The following MME variants were observed in gnomAD, a reference collection of about 807,000 sequenced individuals.
MME encodes membrane metalloendopeptidase.
MME carries 98 observed loss-of-function variants against 113.2 expected under a neutral mutation model. That is an observed-to-expected ratio of 0.87 (90% CI 0.74 to 1.02). The LOEUF is 1.02. Among genes scored for constraint, MME ranks in the 50% least tolerant of loss-of-function variants. The pLI is 0.00. For synonymous variants in MME, 292 were observed against 300.6 expected (o/e 0.97, Z 0.30); for missense variants, 836 against 896.0 (o/e 0.93, Z 0.86).
At chr3:155,151,719 TTC>T (rs1001624240) in intron 16 of MME, among the ~76,000 whole-genome samples, 2 of 152,152 alleles carry the variant, frequency 1.3e-5, no homozygotes, top group South Asian at 2.1e-4. Context: ...ACTTATCCCT[TTC>T]TGTTATTCCT....
At chr3:155,072,167 C>CAAAAAAAAAAAAA (rs71155031) in intron 1 of MME, among the ~76,000 whole-genome samples, 1 of 65,074 alleles carries the variant, frequency 1.5e-5, no homozygotes, top group African/African-American at 7.1e-5. Flanking sequence ...GACTCCGTCT[C>CAAAAAAAAAAAAA]AAAAAAAAAA....
intron 1 of MME, among the ~76,000 whole-genome samples, chr3:155,071,469 T>C (rs1451089067): frequency 3.3e-5 from 5 of 152,214 alleles, no homozygotes; most frequent in African/African-American, 4.8e-5. Context: ...ATTTGGTAAT[T>C]ATAGGGTATT....
chr3:155,025,189 C>T (rs1712740366), intron 1 of MME, among the ~76,000 whole-genome samples: 1 of 152,132 alleles, frequency 6.6e-6, no homozygotes, highest in Non-Finnish European at 1.5e-5. Context: ...AGGGTGCAGC[C>T]CAGCCTTTGC....
intron 1 of MME, among the ~76,000 whole-genome samples, chr3:155,047,077 G>A: frequency 6.6e-6 from 1 of 152,070 alleles, no homozygotes; most frequent in Non-Finnish European, 1.5e-5. Context: ...TAATGTCCTA[G>A]GCCTTCACAT....
intron 1 of MME, among the ~76,000 whole-genome samples, chr3:155,047,209 C>G (rs1456362260): frequency 6.6e-6 from 1 of 152,142 alleles, no homozygotes; most frequent in Non-Finnish European, 1.5e-5. Context: ...TTCACTAGAC[C>G]TTTCCTATGG....
At chr3:155,133,741 G>GGTGTATATATATATGTGTATATATATGGT (rs1188302989) in intron 8 of MME, among the ~76,000 whole-genome samples, 2 of 134,838 alleles carry the variant, frequency 1.5e-5, no homozygotes, top group African/African-American at 2.8e-5. Context: ...ACATATATAT[G>GGTGTATATATATATGTGTATATATATGGT]GTGTATATAT....
chr3:155,060,484 T>G (rs1262474365), intron 1 of MME, among the ~76,000 whole-genome samples: 1 of 152,162 alleles, frequency 6.6e-6, no homozygotes, highest in Non-Finnish European at 1.5e-5. Context: ...TTCACGATCC[T>G]AGAGTCCTCA....
At chr3:155,072,018 G>A (rs372101736) in intron 1 of MME, among the ~76,000 whole-genome samples, 5 of 151,766 alleles carry the variant, frequency 3.3e-5, no homozygotes, top group East Asian at 1.9e-4. Flanking sequence ...GAAATTAGCC[G>A]GGCGCGGTGG....
chr3:155,071,290 C>G (rs1714544128), intron 1 of MME, among the ~76,000 whole-genome samples: 2 of 152,286 alleles, frequency 1.3e-5, no homozygotes, highest in East Asian at 3.9e-4. Context: ...TCCTCATACG[C>G]GTAGCACGTG....
intron 1 of MME, among the ~76,000 whole-genome samples, chr3:155,027,714 G>T (rs937885226): frequency 5.3e-5 from 8 of 152,132 alleles, no homozygotes. Context: ...TAGCATTAAA[G>T]GTATAACTGG....
At chr3:155,171,534 A>G (rs569160880) in intron 20 of MME, among the ~76,000 whole-genome samples, 29 of 152,286 alleles carry the variant, frequency 1.9e-4, no homozygotes, top group African/African-American at 5.8e-4. Flanking sequence ...CATTCAAATT[A>G]CCTAAATATT....
At chr3:155,109,271 G>C (rs552185622) in intron 3 of MME, among the ~76,000 whole-genome samples, 1 of 152,218 alleles carries the variant, frequency 6.6e-6, no homozygotes, top group African/African-American at 2.4e-5. Context: ...CTCAAGACTT[G>C]AGACAATGAA....
chr3:155,107,422 A>G (rs1202503885), intron 3 of MME, among the ~76,000 whole-genome samples: 1 of 151,948 alleles, frequency 6.6e-6, no homozygotes, highest in Non-Finnish European at 1.5e-5. Context: ...TATATGTGGT[A>G]TGTATGTTGT....
chr3:155,089,423 C>T (rs1424714717), intron 3 of MME, among the ~76,000 whole-genome samples: 1 of 152,162 alleles, frequency 6.6e-6, no homozygotes, highest in Non-Finnish European at 1.5e-5. Context: ...GATAATTCTT[C>T]GTTGTGGATG....
At chr3:155,152,119 C>T (rs1027484612) in intron 16 of MME, among the ~76,000 whole-genome samples, 1 of 152,158 alleles carries the variant, frequency 6.6e-6, no homozygotes, top group African/African-American at 2.4e-5. Flanking sequence ...CCTTCACATT[C>T]ACCCTACACC....
At position 155,118,735 on chromosome 3, in the gene MME, AT is replaced by A; in HGVS notation, c.655-5del. On this transcript the variant is annotated splice_polypyrimidine_tract_variant and intron_variant, in intron 7 of 22. Transcript: ENST00000360490. The stretch of plus-strand genomic sequence containing the variant: ...GAATGATTTATTTTCTTTTATGTAT[AT>A]TTTTTATAGATTGACCAACCTCGAC... 2 of 1,536,726 alleles carry A rather than the reference AT, an allele frequency of 1.3e-6. No homozygotes were observed. The highest frequency in any genetic ancestry group is 1.8e-6 in the Non-Finnish European group (2 of 1,115,298).
At chr3:155,173,333 TA>T (rs11391196) in intron 22 of MME, among the ~76,000 whole-genome samples, 47 of 147,338 alleles carry the variant, frequency 3.2e-4, no homozygotes, top group African/African-American at 7.2e-4. Context: ...GCAAGAAAGT[TA>T]AAAAAAAAAA....
upstream of MME, among the ~76,000 whole-genome samples, chr3:155,076,173 T>C (rs1398233049): frequency 6.6e-6 from 1 of 152,226 alleles, no homozygotes; most frequent in Non-Finnish European, 1.5e-5. Context: ...ATTCTATTCC[T>C]ACATCCATTT....
intron 8 of MME, among the ~76,000 whole-genome samples, chr3:155,124,982 G>T (rs375939474): frequency 0.013 from 2,007 of 152,276 alleles, 21 homozygotes; most frequent in Non-Finnish European, 0.019. Context: ...GTTTACCTAA[G>T]CAAGCCTGGG....
Sources: allele counts gnomAD v4.1 joint callset (sites outside exome capture counted in the v4.1 genomes callset), GRCh38; gene constraint gnomAD v4.1.1; transcripts MANE v1.5; gene names NCBI Gene and HGNC (gene_info 2026-07-23, HGNC 2026-07-21).